The following LRCH1 variants were observed in gnomAD, a reference collection of about 807,000 sequenced individuals.
LRCH1 encodes leucine-rich repeat and calponin homology domain-containing protein 1.
A neutral mutation model predicts 94.9 loss-of-function variants in LRCH1; 23 were observed. The ratio of observed to expected loss-of-function variants is 0.24; its 90% CI spans 0.17 to 0.34. The LOEUF (loss-of-function observed/expected upper bound fraction) is 0.34. LRCH1 is among the 10% of genes least tolerant of loss of function. LRCH1 has a pLI of 1.00. For missense variants in LRCH1, 790 were observed against 945.9 expected, an observed-to-expected ratio of 0.84 and a Z score of 2.16; for synonymous variants, 364 against 354.9, an observed-to-expected ratio of 1.03 and a Z score of -0.29.
At chr13:46,626,364 C>A (rs542222896) in intron 1 of LRCH1, among the ~76,000 whole-genome samples, 1 of 152,210 alleles carries the variant, frequency 6.6e-6, no homozygotes, top group South Asian at 2.1e-4. Flanking sequence ...ACTGAAGATC[C>A]ACAAGAGAAG....
intron 1 of LRCH1, among the ~76,000 whole-genome samples, chr13:46,625,631 G>GTTTT (rs149512536): frequency 4.0e-5 from 5 of 126,304 alleles, no homozygotes; most frequent in East Asian, 2.2e-4. Context: ...AAATGTGTGG[G>GTTTT]GTTTTTTTTT....
chr13:46,606,823 C>T (rs1233982656), intron 1 of LRCH1, among the ~76,000 whole-genome samples: 1 of 152,102 alleles, frequency 6.6e-6, no homozygotes, highest in Non-Finnish European at 1.5e-5. Flanking sequence ...CCTCCTGCCT[C>T]GGCTGGTGTG....
intron 10 of LRCH1, 29 bp downstream of exon 10, chr13:46,699,432 A>C: frequency 6.2e-7 from 1 of 1,600,416 alleles, no homozygotes; most frequent in Non-Finnish European, 8.6e-7. Flanking sequence ...GTTACAAGCC[A>C]TCATCACTCA....
At chr13:46,644,914 T>C (rs2051202204) in intron 1 of LRCH1, among the ~76,000 whole-genome samples, 2 of 152,294 alleles carry the variant, frequency 1.3e-5, no homozygotes, top group Admixed American at 1.3e-4. Flanking sequence ...AATGGGAAAA[T>C]GAAGGCTTTA....
chr13:46,640,785 G>A (rs1476139159), intron 1 of LRCH1, among the ~76,000 whole-genome samples: 1 of 152,188 alleles, frequency 6.6e-6, no homozygotes, highest in East Asian at 1.9e-4. Context: ...AAAAGAAAAT[G>A]TAGAACAGAG....
chr13:46,692,572 A>G lies in LRCH1; in HGVS notation c.1051A>G (p.Met351Val). Residue 351 changes from methionine (M) to valine (V), a missense_variant, in exon 8 of 20, where the codon ATG (methionine) becomes GTG (valine). Coordinates refer to ENST00000389797, the MANE Select transcript of LRCH1 (RefSeq NM_001164211.2). The part of the protein sequence containing the change: ...DEDTVSLNVP[M>V]SNIMEEEQII... ...AGACACTGTTAGCCTCAATGTGCCAATGTCAAACATCATGGAAGAAGAACA... is the reference window on the plus strand; with the variant it reads ...AGACACTGTTAGCCTCAATGTGCCAGTGTCAAACATCATGGAAGAAGAACA... 1.2e-6 allele frequency: 2 copies of G among 1,614,110 alleles called. No individual in the cohort carries two copies. The highest frequency in any genetic ancestry group is 1.7e-6 in the Non-Finnish European group (2 of 1,179,964).
At chr13:46,575,373 C>T (rs191937677) in intron 1 of LRCH1, among the ~76,000 whole-genome samples, 62 of 152,252 alleles carry the variant, frequency 4.1e-4, no homozygotes, top group African/African-American at 1.4e-3. Flanking sequence ...AAATAAAGAG[C>T]TCTTACTGCA....
At chr13:46,736,439 C>T (rs1276422465) in intron 19 of LRCH1, among the ~76,000 whole-genome samples, 1 of 152,074 alleles carries the variant, frequency 6.6e-6, no homozygotes, top group East Asian at 1.9e-4. Flanking sequence ...CCCCACCCCA[C>T]CTTAGATATT....
chr13:46,697,365 A>G (rs1055237589), intron 9 of LRCH1, among the ~76,000 whole-genome samples: 2 of 152,330 alleles, frequency 1.3e-5, no homozygotes, highest in Middle Eastern at 3.4e-3. Context: ...CATTACAACC[A>G]TACCTTATTT....
intron 17 of LRCH1, among the ~76,000 whole-genome samples, chr13:46,725,001 A>G (rs1380372974): frequency 6.6e-6 from 1 of 152,240 alleles, no homozygotes; most frequent in Non-Finnish European, 1.5e-5. Context: ...TGGTACATAA[A>G]CACCATGGAA....
intron 1 of LRCH1, among the ~76,000 whole-genome samples, chr13:46,571,650 A>G (rs780631112): frequency 7.9e-5 from 12 of 152,260 alleles, no homozygotes; most frequent in African/African-American, 2.2e-4. Context: ...GTGACCATCC[A>G]TGAGGCTTAG....
In LRCH1 at chr13:46,701,172, G is replaced by A. The variant is rs1005448555; in HGVS notation, c.1365G>A (p.Leu455=). The A allele has an allele frequency of 2.5e-6, 4 of 1,613,894 alleles. No homozygotes were observed. Among genetic ancestry groups the A allele is most frequent in the Non-Finnish European group, 3.4e-6 (4 of 1,179,774 alleles). The change falls in exon 11 of 20, where the codon CTG becomes CTA. Residue 455 remains leucine, a synonymous_variant. Coordinates refer to ENST00000389797, the MANE Select transcript of LRCH1 (RefSeq NM_001164211.2). ...TGGATATAGCAATGATCGAGCAGCT[G>A]AGAGAAGCAGTAGATTTGCTGCAAG... is the stretch of plus-strand genomic sequence containing the variant. ...QDMDIAMIEQ[L]REAVDLLQDP...
chr13:46,722,966 C>T (rs1464200207), intron 16 of LRCH1, among the ~76,000 whole-genome samples: 1 of 152,106 alleles, frequency 6.6e-6, no homozygotes, highest in African/African-American at 2.4e-5. Flanking sequence ...TCCCAGTGAC[C>T]CAGACCTTGC....
intron 1 of LRCH1, among the ~76,000 whole-genome samples, chr13:46,563,721 C>G (rs1405395779): frequency 1.3e-5 from 2 of 152,190 alleles, no homozygotes; most frequent in Non-Finnish European, 2.9e-5. Flanking sequence ...CAAGCAATGC[C>G]TTTCTATTGC....
chr13:46,570,574 A>G (rs988169420), intron 1 of LRCH1, among the ~76,000 whole-genome samples: 1 of 152,242 alleles, frequency 6.6e-6, no homozygotes, highest in Admixed American at 6.5e-5. Flanking sequence ...TACTCTCTGC[A>G]TGGCCTAGCA....
intron 1 of LRCH1, among the ~76,000 whole-genome samples, chr13:46,648,586 G>A (rs1274376992): frequency 6.6e-6 from 1 of 152,030 alleles, no homozygotes; most frequent in East Asian, 1.9e-4. Context: ...ATCAACTTGT[G>A]CAATAACCCC....
rs142347290 is a variant in LRCH1, at chr13:46,730,096, C to T, written c.2007+1112C>T. Among the ~76,000 whole-genome samples, 1,154 of 152,210 alleles carry T rather than the reference C, an allele frequency of 7.6e-3. 21 individuals carry two copies. The highest frequency in any genetic ancestry group is 0.026 in the African/African-American group (1,098 of 41,514). Reference sequence around the variant, plus strand: ...GATAAACTTGTCCTTGAAACCTACACAGGATTTATACAAATAGAGAAAAAA... The same window carrying T: ...GATAAACTTGTCCTTGAAACCTACATAGGATTTATACAAATAGAGAAAAAA... On this transcript the variant is annotated intron_variant, in intron 18 of 19. Coordinates refer to ENST00000389797, the MANE Select transcript of LRCH1 (RefSeq NM_001164211.2).
At chr13:46,601,289 C>G (rs935892088) in intron 1 of LRCH1, among the ~76,000 whole-genome samples, 4 of 152,198 alleles carry the variant, frequency 2.6e-5, no homozygotes, top group Non-Finnish European at 5.9e-5. Flanking sequence ...CAGAAAACAG[C>G]AAAGCATGTA....
At chr13:46,709,780 T>A (rs913604868) in intron 13 of LRCH1, among the ~76,000 whole-genome samples, 1 of 152,166 alleles carries the variant, frequency 6.6e-6, no homozygotes, top group Non-Finnish European at 1.5e-5. Flanking sequence ...TCACTCCTTG[T>A]TTTCCTTCTG....
Sources: allele counts gnomAD v4.1 joint callset (sites outside exome capture counted in the v4.1 genomes callset), GRCh38; gene constraint gnomAD v4.1.1; transcripts MANE v1.5; gene names NCBI Gene and HGNC (gene_info 2026-07-23, HGNC 2026-07-21).